BAZ2B: variants seen among roughly 807,000 people sequenced by gnomAD.
BAZ2B encodes bromodomain adjacent to zinc finger domain 2B.
A neutral mutation model predicts 246.0 loss-of-function variants in BAZ2B; 91 were observed. The ratio of observed to expected loss-of-function variants is 0.37; its 90% CI spans 0.31 to 0.44. The LOEUF is 0.44. BAZ2B is among the 20% of genes least tolerant of loss of function. BAZ2B has a pLI of 1.00. For missense variants in BAZ2B, 2,332 were observed against 2,533.7 expected, an observed-to-expected ratio of 0.92 and a Z score of 1.71; for synonymous variants, 855 against 860.0, an observed-to-expected ratio of 0.99 and a Z score of 0.10.
At chr2:159,711,000 G>C in the BAZ2B span, 2 of 152,180 alleles carry the variant, frequency 1.3e-5, no homozygotes, top group African/African-American at 2.4e-5. Flanking sequence ...GAACTGACGT[G>C]TTATCTCATC....
chr2:159,327,901 C>A (rs1247005811), intron 34 of BAZ2B, among the ~76,000 whole-genome samples: 1 of 151,868 alleles, frequency 6.6e-6, no homozygotes, highest in Non-Finnish European at 1.5e-5. Context: ...CCCGTCTCTA[C>A]CAAAAATACA....
At chr2:159,325,077 T>TATATATATATATATTATA (rs1414108733) in intron 35 of BAZ2B, 123 bp from the exon 36 acceptor site, 1 of 2,444 alleles carries the variant, frequency 4.1e-4, no homozygotes, top group African/African-American at 7.7e-4. Flanking sequence ...TATATATATA[T>TATATATATATATATTATA]TATATATATA....
At position 159,576,869 on chromosome 2, in the gene BAZ2B, C is replaced by T. The variant is rs556376752; in HGVS notation, c.-45-21004G>A. On this transcript the variant is annotated intron_variant, in intron 1 of 36. Transcript: ENST00000392783. ...CAGAGGTTGCGGTGAGCCGAGATCA[C>T]GCCACTGCACTCCAGCCTGGGCTAC... is the stretch of plus-strand genomic sequence containing the variant. Among the ~76,000 whole-genome samples, 40 of 137,632 alleles carry T rather than the reference C, an allele frequency of 2.9e-4. No homozygotes were observed. In the South Asian group the frequency reaches 8.6e-3, roughly 29 times the overall value. 90.3% of individuals were successfully genotyped at this position (137,632 alleles called of 152,430 possible). A position where few individuals can be genotyped will look rare whatever the true frequency, so the allele number is the denominator to read the frequency against.
the BAZ2B span, among the ~76,000 whole-genome samples, chr2:159,687,537 C>A: frequency 6.6e-6 from 1 of 152,184 alleles, no homozygotes; most frequent in Non-Finnish European, 1.5e-5. Flanking sequence ...CATTAACATG[C>A]CAGGAGGCAG....
chr2:159,360,170 CT>C (rs1447315410), intron 27 of BAZ2B, among the ~76,000 whole-genome samples: 1 of 152,230 alleles, frequency 6.6e-6, no homozygotes, highest in Admixed American at 6.5e-5. Context: ...CAAATTGTCT[CT>C]GTTTGCAGAT....
At chr2:159,378,220 A>G (rs981895776) in intron 25 of BAZ2B, among the ~76,000 whole-genome samples, 5 of 152,212 alleles carry the variant, frequency 3.3e-5, no homozygotes, top group African/African-American at 1.2e-4. Context: ...TTGTTTGGGT[A>G]ATTACACTTC....
At chr2:159,540,223 G>A (rs2086498553) in intron 2 of BAZ2B, among the ~76,000 whole-genome samples, 1 of 152,200 alleles carries the variant, frequency 6.6e-6, no homozygotes, top group Admixed American at 6.5e-5. Context: ...ATGAGTGACA[G>A]TATGTGAAGC....
At chr2:159,532,924 G>C (rs1288286963) in intron 2 of BAZ2B, among the ~76,000 whole-genome samples, 3 of 152,014 alleles carry the variant, frequency 2.0e-5, no homozygotes, top group African/African-American at 7.2e-5. Flanking sequence ...GTATCTCCCA[G>C]AAAAAGGAAA....
chr2:159,448,098 TG>T, intron 5 of BAZ2B, 143 bp downstream of exon 5: 2 of 920,668 alleles, frequency 2.2e-6, no homozygotes, highest in Non-Finnish European at 3.1e-6. Flanking sequence ...TACTCCAGCC[TG>T]GGCAAAAGAG....
chr2:159,404,696 A>T (rs575134314), intron 16 of BAZ2B, 153 bp downstream of exon 16: 1 of 635,806 alleles, frequency 1.6e-6, no homozygotes, highest in South Asian at 2.9e-5. Flanking sequence ...AAAAGGTAAA[A>T]TTTTAATTAA....
chr2:159,506,086 A>T (rs1010474067), intron 2 of BAZ2B, among the ~76,000 whole-genome samples: 1 of 152,030 alleles, frequency 6.6e-6, no homozygotes, highest in Non-Finnish European at 1.5e-5. Flanking sequence ...CCCTCCCAAA[A>T]ATCTCTTACA....
chr2:159,344,464 G>A (rs2067373719), intron 31 of BAZ2B, among the ~76,000 whole-genome samples: 2 of 151,640 alleles, frequency 1.3e-5, no homozygotes, highest in South Asian at 4.2e-4. Flanking sequence ...AACCTGGGAG[G>A]TGGAGGCTGC....
At chr2:159,353,297 T>G (rs1250400659) in intron 27 of BAZ2B, among the ~76,000 whole-genome samples, 2 of 152,234 alleles carry the variant, frequency 1.3e-5, no homozygotes, top group Admixed American at 6.5e-5. Flanking sequence ...CCTTCTTGTA[T>G]GAAACAACCA....
the BAZ2B span, among the ~76,000 whole-genome samples, chr2:159,701,210 A>C: frequency 6.6e-6 from 1 of 152,214 alleles, no homozygotes; most frequent in Non-Finnish European, 1.5e-5. Flanking sequence ...CTGAGTCACA[A>C]ACCACCAAGC....
Position 159,349,270 on chromosome 2 carries a change from C to A in BAZ2B, c.4874G>T (p.Gly1625Val). The part of the protein sequence containing the change: ...FALSPLQVKG[G>V]VSMMGLQFCG... ...AAACTGAAGTCCCATCATAGATACTCCACCTTTCACCTGCAAAAAGAAAAC... is the reference window on the plus strand; with the variant it reads ...AAACTGAAGTCCCATCATAGATACTACACCTTTCACCTGCAAAAAGAAAAC... The change falls in exon 29 of 37, where the codon GGA becomes GTA. Residue 1625 changes from glycine to valine, a missense_variant. Coordinates refer to ENST00000392783, the MANE Select transcript of BAZ2B (RefSeq NM_013450.4). 1 of 1,587,580 alleles carries A rather than the reference C, an allele frequency of 6.3e-7. No homozygotes were observed. The highest frequency in any genetic ancestry group is 1.7e-4 in the Middle Eastern group (1 of 5,954).
chr2:159,336,284 CT>C (rs1416862533), intron 33 of BAZ2B, among the ~76,000 whole-genome samples: 1 of 152,198 alleles, frequency 6.6e-6, no homozygotes, highest in African/African-American at 2.4e-5. Flanking sequence ...AAATATTTCT[CT>C]GGAAAACATG....
At chr2:159,687,041 C>CAAAAA in the BAZ2B span, among the ~76,000 whole-genome samples, 23 of 109,502 alleles carry the variant, frequency 2.1e-4, no homozygotes, top group African/African-American at 6.3e-4. Context: ...GACTCCATCT[C>CAAAAA]AAAAAAAAAA....
the BAZ2B span, among the ~76,000 whole-genome samples, chr2:159,703,124 T>C: frequency 6.6e-6 from 1 of 150,836 alleles, no homozygotes; most frequent in African/African-American, 2.4e-5. Context: ...TCTTGCTCTG[T>C]TGCTCAGGCT....
chr2:159,563,372 G>A (rs977787214), intron 1 of BAZ2B, among the ~76,000 whole-genome samples: 1 of 151,934 alleles, frequency 6.6e-6, no homozygotes, highest in African/African-American at 2.4e-5. Context: ...CATAATTATC[G>A]ACTTCACAAG....
Sources: allele counts gnomAD v4.1 joint callset (sites outside exome capture counted in the v4.1 genomes callset), GRCh38; gene constraint gnomAD v4.1.1; transcripts MANE v1.5; gene names NCBI Gene and HGNC (gene_info 2026-07-23, HGNC 2026-07-21).